SH3RF2: variants seen among roughly 807,000 people sequenced by gnomAD.
SH3RF2 encodes the protein E3 ubiquitin-protein ligase SH3RF2.
Under a neutral mutation model 59.0 loss-of-function variants are expected in SH3RF2, and 43 were observed. The observed-to-expected ratio is 0.73, with a 90% CI of 0.57 to 0.94. SH3RF2 has a LOEUF of 0.94. Ranked by LOEUF, SH3RF2 falls within the 40% of genes least tolerant of loss-of-function variation. SH3RF2 has a pLI of 0.00. For synonymous variants in SH3RF2, 391 were observed against 391.5 expected (o/e 1.00, Z 0.01); for missense variants, 930 against 940.1 (o/e 0.99, Z 0.14).
At chr5:146,057,599 A>T in intron 8 of SH3RF2, among the ~76,000 whole-genome samples, 1 of 152,208 alleles carries the variant, frequency 6.6e-6, no homozygotes, top group East Asian at 1.9e-4. Context: ...ACTGCAATCA[A>T]GATCATCTTT....
chr5:146,059,378 G>T (rs1400329283), intron 8 of SH3RF2, among the ~76,000 whole-genome samples: 1 of 151,912 alleles, frequency 6.6e-6, no homozygotes, highest in Non-Finnish European at 1.5e-5. Flanking sequence ...TCGCTGGGCA[G>T]AGTTTTCCTC....
chr5:146,049,099 A>G lies in SH3RF2; in HGVS notation c.1176A>G (p.Ser392=). 6.2e-7 allele frequency: 1 copy of G among 1,613,868 alleles called. No individual in the cohort carries two copies. Among genetic ancestry groups the G allele is most frequent in the East Asian group, 2.2e-5 (1 of 44,864 alleles). Residue 392 remains serine, a synonymous_variant, in exon 7 of 10, where the codon TCA becomes TCG. Transcript: ENST00000359120. ...ANMFVALHSY[S]AHGPDELDLQ... is the part of the protein sequence containing the mutation. ...GGTTTGTAGCCCTGCACTCCTACTCAGCCCATGGACCCGATGAGCTGGACC... is the reference window on the plus strand; with the variant it reads ...GGTTTGTAGCCCTGCACTCCTACTCGGCCCATGGACCCGATGAGCTGGACC...
chr5:146,053,352 G>A (rs556364062), intron 7 of SH3RF2, among the ~76,000 whole-genome samples: 2 of 152,120 alleles, frequency 1.3e-5, no homozygotes, highest in East Asian at 1.9e-4. Flanking sequence ...GTTTTCATCT[G>A]TCCAGCATCT....
intron 4 of SH3RF2, among the ~76,000 whole-genome samples, 179 bp from the exon 5 acceptor site, chr5:146,013,568 G>T (rs1202436161): frequency 2.6e-5 from 4 of 152,168 alleles, no homozygotes; most frequent in African/African-American, 9.7e-5. Context: ...ATAGAGCAAA[G>T]TCATGAGGAT....
At position 146,062,962 on chromosome 5, in the gene SH3RF2, C is replaced by T. The variant is rs1391464252; in HGVS notation, c.*261C>T. 3 of 506,176 alleles carry T rather than the reference C, an allele frequency of 5.9e-6. No individual in the cohort carries two copies. The highest frequency in any genetic ancestry group is 1.9e-5 in the African/African-American group (1 of 52,122). The allele number at this position is 506,176 out of a possible 1,614,324, so 31.4% of individuals were successfully genotyped here. On this transcript the variant is annotated 3_prime_UTR_variant, in exon 10 of 10. Transcript: ENST00000359120. The stretch of plus-strand genomic sequence containing the variant: ...CTCAGACCAAGGAGTGAAAAATTGT[C>T]GTGCCCACTTTATGCCCCAGCATGG...
chr5:146,023,941 C>G (rs1262794411), intron 5 of SH3RF2, among the ~76,000 whole-genome samples: 1 of 152,182 alleles, frequency 6.6e-6, no homozygotes, highest in African/African-American at 2.4e-5. Context: ...TATTAGTACT[C>G]ATTCCTTTTT....
chr5:145,994,414 A>T (rs1322767766), intron 2 of SH3RF2, among the ~76,000 whole-genome samples: 1 of 152,172 alleles, frequency 6.6e-6, no homozygotes, highest in East Asian at 1.9e-4. Flanking sequence ...TTATTGTATT[A>T]GTCCATTTTC....
In SH3RF2 at chr5:146,062,615, G is replaced by C; in HGVS notation, c.2104G>C (p.Asp702His). The C allele has an allele frequency of 6.2e-7, 1 of 1,614,180 alleles. No homozygotes were observed. The highest frequency in any genetic ancestry group is 8.5e-7 in the Non-Finnish European group (1 of 1,180,016). The change falls in exon 10 of 10, where the codon GAC (aspartate) becomes CAC (histidine). Residue 702 changes from aspartate (D) to histidine (H), a missense_variant. By Grantham distance (81) the Asp-to-His change is moderately conservative. Coordinates refer to ENST00000359120, the MANE Select transcript of SH3RF2 (RefSeq NM_152550.4). ...RSGCHSGQQT[D>H]LRRKSALGKA... ...TGGCTGCCACTCCGGACAGCAGACA[G>C]ACCTCCGGAGAAAGTCAGCTCTTGG...
At chr5:146,072,921 T>C (rs1161921335) in intron 9 of SH3RF2, among the ~76,000 whole-genome samples, 2 of 152,248 alleles carry the variant, frequency 1.3e-5, no homozygotes, top group African/African-American at 4.8e-5. Flanking sequence ...CCTCAAGTGG[T>C]TTGGTGGGGA....
At chr5:146,024,786 A>G (rs968856936) in intron 5 of SH3RF2, among the ~76,000 whole-genome samples, 5 of 152,238 alleles carry the variant, frequency 3.3e-5, no homozygotes, top group African/African-American at 1.2e-4. Flanking sequence ...AAGTTGTTCC[A>G]GCATCATTTA....
intron 4 of SH3RF2, among the ~76,000 whole-genome samples, chr5:146,013,024 T>C (rs1233627300): frequency 6.6e-6 from 1 of 152,096 alleles, no homozygotes; most frequent in Non-Finnish European, 1.5e-5. Context: ...CTAAGAGATA[T>C]AGAACAAGGA....
downstream of SH3RF2, among the ~76,000 whole-genome samples, chr5:146,064,607 GAGAGAGAGGGAGAGAGAGAGA>G (rs1763005661): frequency 8.0e-6 from 1 of 124,940 alleles, no homozygotes. Flanking sequence ...GAGAGAGAGA[GAGAGAGAGGGAGAGAGAGAGA>G]GGAGAGAGAG....
chr5:146,053,465 G>A (rs1010353330), intron 7 of SH3RF2, among the ~76,000 whole-genome samples: 2 of 152,114 alleles, frequency 1.3e-5, no homozygotes, highest in East Asian at 3.9e-4. Flanking sequence ...CTGAAGAAAT[G>A]CAATCCTCCT....
intron 7 of SH3RF2, among the ~76,000 whole-genome samples, chr5:146,055,520 T>G (rs996334973): frequency 6.6e-6 from 1 of 152,216 alleles, no homozygotes; most frequent in Non-Finnish European, 1.5e-5. Context: ...CCACAGTATA[T>G]GCAGAACACA....
chr5:145,961,485 ATTT>A (rs1446078531), intron 2 of SH3RF2, among the ~76,000 whole-genome samples: 1 of 152,216 alleles, frequency 6.6e-6, no homozygotes, highest in African/African-American at 2.4e-5. Flanking sequence ...ATAGGAAACG[ATTT>A]CAGGATTCTT....
At chr5:146,080,642 G>T (rs181849990) in exon 10 of SH3RF2, 111 of 152,284 alleles carry the variant, frequency 7.3e-4, no homozygotes, top group African/African-American at 2.5e-3. Context: ...AAAGCCAAGA[G>T]GTGTGGGGGC....
chr5:146,057,304 A>G (rs1762705385), intron 8 of SH3RF2, among the ~76,000 whole-genome samples: 1 of 152,104 alleles, frequency 6.6e-6, no homozygotes, highest in African/African-American at 2.4e-5. Flanking sequence ...TGGGCACTTC[A>G]TTCCACCCAA....
rs139798073 is a variant in SH3RF2 at position 145,986,389 on chromosome 5, T to G, written c.379-13669T>G. On this transcript the variant is annotated intron_variant, in intron 2 of 9. Coordinates refer to ENST00000359120, the MANE Select transcript of SH3RF2 (RefSeq NM_152550.4). ...TCTGCATGGTGTATTTGGCTCAGTT[T>G]CTCAAACCATATGGAAAAAGACTCA... Among the ~76,000 whole-genome samples the G allele has an allele frequency of 6.7e-3, 1,016 of 152,234 alleles. 15 individuals are homozygous for G. The highest frequency in any genetic ancestry group is 0.024 in the African/African-American group (989 of 41,518).
At position 146,059,533 on chromosome 5, in the gene SH3RF2, C is replaced by T. The variant is rs140085043; in HGVS notation, c.1556-333C>T. ...ACTGCCTCTGTGTCTGCTTCACGCG[C>T]GCGTGTGTGTGTGTACGTGTGTGTG... On this transcript the variant is annotated intron_variant, in intron 8 of 9. Transcript: ENST00000359120. Among the ~76,000 whole-genome samples, 717 of 151,914 alleles carry T rather than the reference C, an allele frequency of 4.7e-3. 8 individuals are homozygous for T. Among genetic ancestry groups the T allele is most frequent in the African/African-American group, 0.016 (675 of 41,394 alleles).
Sources: gnomAD v4.1 joint callset for allele counts (sites outside exome capture counted in the v4.1 genomes callset) on GRCh38, gnomAD v4.1.1 for gene constraint, MANE v1.5 for transcripts, NCBI Gene and HGNC (gene_info 2026-07-23, HGNC 2026-07-21) for gene names.